The following GRIK3 variants were observed in gnomAD, a reference collection of about 807,000 sequenced individuals.
GRIK3 encodes glutamate receptor ionotropic, kainate 3.
GRIK3 carries 29 observed loss-of-function variants against 102.5 expected under a neutral mutation model. The ratio of observed to expected loss-of-function variants is 0.28; its 90% CI spans 0.21 to 0.39. GRIK3 has a LOEUF of 0.39. GRIK3 is among the 10% of genes least tolerant of loss of function. GRIK3 has a pLI of 1.00. For synonymous variants in GRIK3, 511 were observed against 504.9 expected, an observed-to-expected ratio of 1.01 and a Z score of -0.16; for missense variants, 908 against 1,252.4, an observed-to-expected ratio of 0.73 and a Z score of 4.15.
At chr1:36,918,324 C>T (rs1641429443) in intron 1 of GRIK3, among the ~76,000 whole-genome samples, 1 of 152,220 alleles carries the variant, frequency 6.6e-6, no homozygotes, top group African/African-American at 2.4e-5. Flanking sequence ...ACCCCACCTA[C>T]CTTTCTGCCC....
intron 1 of GRIK3, among the ~76,000 whole-genome samples, chr1:36,987,331 C>T (rs1326319817): frequency 1.3e-5 from 2 of 152,148 alleles, no homozygotes; most frequent in Non-Finnish European, 2.9e-5. Context: ...CAGAGCTCCC[C>T]AGGCAGCAGA....
chr1:36,813,291 A>G (rs576107619), intron 13 of GRIK3, among the ~76,000 whole-genome samples: 1 of 152,376 alleles, frequency 6.6e-6, no homozygotes, highest in Non-Finnish European at 1.5e-5. Context: ...ATAAACAAAT[A>G]CAGGTAAAAT....
At chr1:36,836,904 C>T (rs1478301409) in intron 10 of GRIK3, among the ~76,000 whole-genome samples, 1 of 152,080 alleles carries the variant, frequency 6.6e-6, no homozygotes, top group East Asian at 1.9e-4. Flanking sequence ...TGACCTTGTA[C>T]CCCCAGGAGG....
At chr1:36,875,732 T>G (rs548467529) in intron 3 of GRIK3, among the ~76,000 whole-genome samples, 1 of 152,212 alleles carries the variant, frequency 6.6e-6, no homozygotes, top group African/African-American at 2.4e-5. Flanking sequence ...AAAAACGACC[T>G]AGCCAAGTTC....
rs1209588585 is a variant in GRIK3, at chr1:36,805,070, G to A, written c.2482C>T (p.Leu828=). The A allele has an allele frequency of 6.2e-7, 1 of 1,614,224 alleles. No individual in the cohort carries two copies. Among genetic ancestry groups the A allele is most frequent in the South Asian group, 1.1e-5 (1 of 91,090 alleles). Residue 828 remains leucine, a synonymous_variant, in exon 15 of 16, where the codon CTG becomes TTG. Coordinates refer to ENST00000373091, the MANE Select transcript of GRIK3 (RefSeq NM_000831.4). ...ACAGAGAGGACCAGCCCGGCGGCCA[G>A]GACAATGAAGATGCCCCCGATCTTC... ...IQKIGGIFIV[L]AAGLVLSVLV...
intron 1 of GRIK3, among the ~76,000 whole-genome samples, chr1:37,025,947 C>A (rs147901354): frequency 4.6e-4 from 70 of 152,282 alleles, no homozygotes; most frequent in African/African-American, 1.6e-3. Context: ...TGTATGATCA[C>A]CATGGGGACT....
At chr1:36,821,441 G>A (rs907633565) in intron 11 of GRIK3, among the ~76,000 whole-genome samples, 5 of 152,214 alleles carry the variant, frequency 3.3e-5, no homozygotes, top group Admixed American at 6.5e-5. Flanking sequence ...CCCAGGGGGC[G>A]AGGCAGCTCA....
intron 13 of GRIK3, among the ~76,000 whole-genome samples, chr1:36,812,067 G>A (rs1642568568): frequency 6.6e-6 from 1 of 152,078 alleles, no homozygotes; most frequent in Non-Finnish European, 1.5e-5. Context: ...TGAAGGCAGG[G>A]CTAAGACTGT....
chr1:37,018,838 T>C (rs928794037), intron 1 of GRIK3, among the ~76,000 whole-genome samples: 5 of 151,968 alleles, frequency 3.3e-5, no homozygotes, highest in Non-Finnish European at 7.4e-5. Context: ...AAAAAAAAAC[T>C]CCAATTTTTT....
intron 13 of GRIK3, among the ~76,000 whole-genome samples, chr1:36,814,521 C>A (rs1340233640): frequency 1.3e-3 from 167 of 125,800 alleles, no homozygotes; most frequent in Admixed American, 4.1e-3. Context: ...CCCCCCCCCC[C>A]ACACACAGAG....
rs115841223 is a variant in GRIK3, at chr1:36,869,666, G to A, written c.786+82C>T. ...GAAGCTGCAGCAATTGTCTTCAGTG[G>A]GCTGGCCCAGGCTAAGCCACAATGA... On this transcript the variant is annotated intron_variant, in intron 5 of 15. Coordinates refer to ENST00000373091, the MANE Select transcript of GRIK3 (RefSeq NM_000831.4). The A allele has an allele frequency of 1.8e-3, 1,942 of 1,066,266 alleles. 20 individuals carry two copies. In the African/African-American group the frequency reaches 0.027, roughly 15 times the overall value. The allele number at this position is 1,066,266 out of a possible 1,614,324, so 66.1% of individuals were successfully genotyped here.
At chr1:36,871,450 C>T (rs1284144672) in intron 4 of GRIK3, among the ~76,000 whole-genome samples, 4 of 152,218 alleles carry the variant, frequency 2.6e-5, no homozygotes, top group Non-Finnish European at 4.4e-5. Context: ...CCTCCAGTCA[C>T]CAGAAATGCT....
chr1:36,816,897 T>G (rs1434366758), intron 13 of GRIK3, among the ~76,000 whole-genome samples, 163 bp downstream of exon 13: 1 of 152,078 alleles, frequency 6.6e-6, no homozygotes, highest in Non-Finnish European at 1.5e-5. Context: ...TCACCACAGC[T>G]CCCCAAAGTC....
chr1:36,976,458 A>T (rs1475129585), intron 1 of GRIK3, among the ~76,000 whole-genome samples: 5 of 152,152 alleles, frequency 3.3e-5, no homozygotes, highest in Non-Finnish European at 7.4e-5. Context: ...GGCTCTGGGG[A>T]ATAAGCCAAT....
At chr1:36,975,038 G>C (rs546848180) in intron 1 of GRIK3, among the ~76,000 whole-genome samples, 1 of 152,230 alleles carries the variant, frequency 6.6e-6, no homozygotes, top group Non-Finnish European at 1.5e-5. Context: ...CAGAGTTTCT[G>C]TTTGAGATGA....
At chr1:36,864,773 C>G (rs762387526) in intron 5 of GRIK3, among the ~76,000 whole-genome samples, 2 of 152,020 alleles carry the variant, frequency 1.3e-5, no homozygotes. Context: ...GCACAGAGTG[C>G]CCCCATCCCC....
chr1:36,898,844 G>GTGAT (rs1641202107), intron 1 of GRIK3, among the ~76,000 whole-genome samples: 1 of 152,036 alleles, frequency 6.6e-6, no homozygotes, highest in East Asian at 1.9e-4. Flanking sequence ...CTGGCATAAA[G>GTGAT]ACAAACTATA....
rs542614205 is a variant in GRIK3, at chr1:36,999,243, A to C, written c.115+34751T>G. Among the ~76,000 whole-genome samples, 4 of 152,172 alleles carry C rather than the reference A, an allele frequency of 2.6e-5. No individual in the cohort carries two copies. In the South Asian group the frequency reaches 8.3e-4, roughly 32 times the overall value. ...TCAGGAGCACAGAGTTGGGGGTCTG[A>C]GGGGCATGGTCTGGGAAAGGTGCCC... On this transcript the variant is annotated intron_variant, in intron 1 of 15. Transcript: ENST00000373091.
chr1:36,974,306 C>T (rs1338012794), intron 1 of GRIK3, among the ~76,000 whole-genome samples: 1 of 152,170 alleles, frequency 6.6e-6, no homozygotes, highest in Non-Finnish European at 1.5e-5. Flanking sequence ...ACCGCAGTTA[C>T]TTTTGCACCA....
Sources: allele counts gnomAD v4.1 joint callset (sites outside exome capture counted in the v4.1 genomes callset), GRCh38; gene constraint gnomAD v4.1.1; transcripts MANE v1.5; gene names NCBI Gene and HGNC (gene_info 2026-07-23, HGNC 2026-07-21).